CUBN: variants seen among roughly 807,000 people sequenced by gnomAD.
The protein encoded by CUBN is cubilin.
In CUBN, 282 loss-of-function variants were observed where a neutral mutation model predicts 405.3. That is an observed-to-expected ratio of 0.70 (90% CI 0.63 to 0.77). The LOEUF (loss-of-function observed/expected upper bound fraction) is 0.77. CUBN is among the 30% of genes least tolerant of loss of function. The pLI is 0.00. For synonymous variants in CUBN, 1,684 were observed against 1,617.0 expected, an observed-to-expected ratio of 1.04 and a Z score of -0.99; for missense variants, 4,514 against 4,475.2, an observed-to-expected ratio of 1.01 and a Z score of -0.25.
At chr10:16,975,405 A>G (rs1263085852) in intron 31 of CUBN, among the ~76,000 whole-genome samples, 2 of 152,170 alleles carry the variant, frequency 1.3e-5, no homozygotes, top group African/African-American at 2.4e-5. Flanking sequence ...CCTCCTCATG[A>G]CCACAAGAGG....
At chr10:16,991,002 G>C (rs1833569348) in intron 28 of CUBN, among the ~76,000 whole-genome samples, 1 of 152,016 alleles carries the variant, frequency 6.6e-6, no homozygotes, top group Admixed American at 6.6e-5. Flanking sequence ...CCTTAGCTTT[G>C]TACCAAAGAC....
At chr10:16,996,497 A>T (rs1833738991) in intron 28 of CUBN, among the ~76,000 whole-genome samples, 2 of 152,042 alleles carry the variant, frequency 1.3e-5, no homozygotes, top group Admixed American at 1.3e-4. Context: ...TACCTTCATA[A>T]AAGAACTTCA....
At chr10:16,940,682 C>T (rs528191172) in intron 36 of CUBN, among the ~76,000 whole-genome samples, 2 of 152,264 alleles carry the variant, frequency 1.3e-5, no homozygotes, top group East Asian at 3.9e-4. Flanking sequence ...AGAAGCATGC[C>T]ACCAAGGCAC....
chr10:16,982,390 C>A (rs1198639953), intron 31 of CUBN, 94 bp downstream of exon 31: 6 of 1,119,586 alleles, frequency 5.4e-6, no homozygotes, highest in Non-Finnish European at 8.0e-6. Flanking sequence ...ACATTAAAAA[C>A]ACCCATAAGT....
intron 43 of CUBN, among the ~76,000 whole-genome samples, chr10:16,922,505 G>T (rs1201980916): frequency 6.6e-6 from 1 of 152,034 alleles, no homozygotes; most frequent in African/African-American, 2.4e-5. Flanking sequence ...CGCTGTTCAG[G>T]CTTTGGAGCA....
At chr10:17,058,509 T>A (rs1835442005) in intron 22 of CUBN, among the ~76,000 whole-genome samples, 1 of 152,054 alleles carries the variant, frequency 6.6e-6, no homozygotes, top group Non-Finnish European at 1.5e-5. Flanking sequence ...AAATAAAACA[T>A]CATATTTGAA....
chr10:17,020,647 A>G (rs1385686428), intron 27 of CUBN, among the ~76,000 whole-genome samples: 2 of 152,184 alleles, frequency 1.3e-5, no homozygotes, highest in Non-Finnish European at 2.9e-5. Context: ...ATATATGTGT[A>G]ATATACCTAT....
At chr10:17,060,683 A>G (rs1350279044) in intron 22 of CUBN, among the ~76,000 whole-genome samples, 1 of 152,204 alleles carries the variant, frequency 6.6e-6, no homozygotes, top group East Asian at 1.9e-4. Flanking sequence ...AAAATATCTG[A>G]ATCTCTCATA....
intron 45 of CUBN, among the ~76,000 whole-genome samples, chr10:16,917,119 T>A (rs1168018813): frequency 6.6e-6 from 1 of 152,120 alleles, no homozygotes; most frequent in African/African-American, 2.4e-5. Flanking sequence ...ACTGACATGT[T>A]TGCTTTTTAT....
intron 41 of CUBN, among the ~76,000 whole-genome samples, chr10:16,926,751 T>G (rs561484421): frequency 4.6e-5 from 7 of 151,764 alleles, no homozygotes; most frequent in African/African-American, 1.7e-4. Context: ...AATTGGGGGG[T>G]GGTGGCATGG....
chr10:17,045,834 G>A (rs1486914249), intron 24 of CUBN, 100 bp downstream of exon 24: 1 of 1,216,550 alleles, frequency 8.2e-7, no homozygotes, highest in Admixed American at 1.7e-5. Flanking sequence ...AAATACAGCT[G>A]GGCAAACATG....
chr10:16,861,706 C>G lies in CUBN; in HGVS notation c.9454+7930G>C, dbSNP rs113442515. Among the ~76,000 whole-genome samples, 916 of 152,230 alleles carry G rather than the reference C, an allele frequency of 6.0e-3. 9 individuals are homozygous for G. The highest frequency in any genetic ancestry group is 0.021 in the African/African-American group (862 of 41,520). ...TCTGGGATGTGATGCTCCACGTTTA[C>G]CCTCTTACCCACTGCACCATAATTC... On this transcript the variant is annotated intron_variant, in intron 59 of 66. Coordinates refer to ENST00000377833, the MANE Select transcript of CUBN (RefSeq NM_001081.4).
rs529535939 is a variant in CUBN, at chr10:17,059,603, G to A, written c.3139+5905C>T. 2.4e-4 allele frequency among the ~76,000 whole-genome samples: 36 copies of A among 150,726 alleles called. 1 individual carries two copies. The South Asian group carries it at 7.6e-3, about 32-fold the overall frequency. On this transcript the variant is annotated intron_variant, in intron 22 of 66. Transcript: ENST00000377833. ...ATGTGCTAAATAAACAGCTAACCCA[G>A]GAGCCATCATCTGCTTCCACAGACA...
chr10:16,919,757 G>A (rs1302387882), intron 44 of CUBN, among the ~76,000 whole-genome samples: 2 of 152,184 alleles, frequency 1.3e-5, no homozygotes, highest in East Asian at 3.8e-4. Context: ...AGGGTCACAA[G>A]GGACAGTATC....
Position 16,828,859 on chromosome 10 carries a change from T to C in CUBN, c.10710A>G (p.Thr3570=), listed in dbSNP as rs756639822. The C allele has an allele frequency of 6.8e-6, 11 of 1,613,674 alleles. No individual in the cohort carries two copies. In the African/African-American group the frequency reaches 1.1e-4, roughly 16 times the overall value. ...AGCTGGCGTTGGGCCCATCATAGAG[T>C]GTGAGATAGTTCTGGACACAGTCTC... ...DPGDCVQNYL[T]LYDGPNASSP... Residue 3570 remains threonine, a synonymous_variant, in exon 66 of 67, where the codon ACA becomes ACG. Transcript: ENST00000377833.
intron 22 of CUBN, among the ~76,000 whole-genome samples, chr10:17,059,704 G>A (rs1835462043): frequency 6.6e-6 from 1 of 152,208 alleles, no homozygotes; most frequent in Non-Finnish European, 1.5e-5. Flanking sequence ...CCTTAAGAAA[G>A]AAGAAGCCTT....
intron 14 of CUBN, among the ~76,000 whole-genome samples, chr10:17,093,990 A>G (rs1343398229): frequency 6.6e-6 from 1 of 152,144 alleles, no homozygotes; most frequent in Non-Finnish European, 1.5e-5. Flanking sequence ...AAAAGTGGCA[A>G]TGCAATATTT....
chr10:17,058,138 A>G (rs1464913629), intron 22 of CUBN, among the ~76,000 whole-genome samples: 3 of 152,058 alleles, frequency 2.0e-5, no homozygotes, highest in Admixed American at 6.6e-5. Flanking sequence ...AAGAAGCCAG[A>G]CACAAAAGAA....
intron 31 of CUBN, among the ~76,000 whole-genome samples, chr10:16,963,143 G>T (rs1029365919): frequency 7.0e-6 from 1 of 143,782 alleles, no homozygotes; most frequent in African/African-American, 2.6e-5. Context: ...TTCTCATTTC[G>T]TTCCAGAAAT....
Sources: gnomAD v4.1 joint callset for allele counts (sites outside exome capture counted in the v4.1 genomes callset) on GRCh38, gnomAD v4.1.1 for gene constraint, MANE v1.5 for transcripts, NCBI Gene and HGNC (gene_info 2026-07-23, HGNC 2026-07-21) for gene names.